NR2C2: variants seen among roughly 807,000 people sequenced by gnomAD.
NR2C2 encodes the protein Nuclear hormone receptor TR4.
Under a neutral mutation model 62.9 loss-of-function variants are expected in NR2C2, and 6 were observed. The ratio of observed to expected loss-of-function variants is 0.10; its 90% CI spans 0.05 to 0.19. NR2C2 has a LOEUF of 0.19. Ranked by LOEUF, NR2C2 falls within the 10% of genes least tolerant of loss-of-function variation. NR2C2 has a pLI of 1.00. For missense variants in NR2C2, 479 were observed against 762.7 expected (o/e 0.63, Z 4.38); for synonymous variants, 272 against 273.8 (o/e 0.99, Z 0.07).
At chr3:15,040,017 C>T (rs1230646660) in intron 13 of NR2C2, among the ~76,000 whole-genome samples, 1 of 151,738 alleles carries the variant, frequency 6.6e-6, no homozygotes, top group Non-Finnish European at 1.5e-5. Flanking sequence ...TAGCCAGGCA[C>T]GGTGGTAGGC....
chr3:15,048,792 C>G lies in NR2C2; in HGVS notation c.*5784C>G, dbSNP rs926643130. ...GAAAAGCTGCACATTTTTCACAGTA[C>G]AAGCCGTAGTTTTTACCTGTAGTTT... On this transcript the variant is annotated 3_prime_UTR_variant, in exon 14 of 14. Transcript: ENST00000425241. 6.6e-6 allele frequency: 1 copy of G among 152,516 alleles called. No individual in the cohort carries two copies. Among genetic ancestry groups the G allele is most frequent in the African/African-American group, 2.4e-5 (1 of 41,428 alleles). 9.4% of individuals were successfully genotyped at this position (152,516 alleles called of 1,614,324 possible).
intron 1 of NR2C2, among the ~76,000 whole-genome samples, chr3:14,981,623 A>AAAG (rs1553639444): frequency 0.018 from 2,550 of 140,274 alleles, 162 homozygotes; most frequent in African/African-American, 0.064. Context: ...AAAAAAAAAA[A>AAAG]GAGTATTGAT....
At chr3:14,989,844 A>G (rs1559548857) in intron 1 of NR2C2, among the ~76,000 whole-genome samples, 1 of 148,950 alleles carries the variant, frequency 6.7e-6, no homozygotes, top group Non-Finnish European at 1.5e-5. Flanking sequence ...AGATAAGAGA[A>G]TCGCTTGAAC....
chr3:14,967,284 AT>A, intron 1 of NR2C2, among the ~76,000 whole-genome samples: 2 of 150,650 alleles, frequency 1.3e-5, no homozygotes, highest in African/African-American at 4.9e-5. Flanking sequence ...TGTCAACTTG[AT>A]TTTTTTTCAA....
chr3:14,961,868 A>G (rs2039696797), intron 1 of NR2C2, among the ~76,000 whole-genome samples: 1 of 152,234 alleles, frequency 6.6e-6, no homozygotes, highest in Non-Finnish European at 1.5e-5. Context: ...CTCTTTAGTA[A>G]TGCAGTCTCT....
intron 2 of NR2C2, chr3:15,004,571 C>T (rs1463678374): frequency 3.1e-6 from 5 of 1,612,632 alleles, no homozygotes; most frequent in Non-Finnish European, 4.2e-6. Flanking sequence ...CTGAACCTGC[C>T]TCTGGCCCAT....
chr3:14,960,558 G>A (rs1284985056), intron 1 of NR2C2, among the ~76,000 whole-genome samples: 1 of 152,146 alleles, frequency 6.6e-6, no homozygotes, highest in African/African-American at 2.4e-5. Flanking sequence ...GAACCCAATA[G>A]AAAGATACAC....
intron 2 of NR2C2, among the ~76,000 whole-genome samples, chr3:15,012,714 C>A (rs2041391040): frequency 6.6e-6 from 1 of 152,094 alleles, no homozygotes; most frequent in Non-Finnish European, 1.5e-5. Flanking sequence ...GTGCTGCTAG[C>A]CAGGAACATC....
At chr3:14,952,164 C>T (rs1001414492) in intron 1 of NR2C2, among the ~76,000 whole-genome samples, 7 of 152,254 alleles carry the variant, frequency 4.6e-5, no homozygotes, top group African/African-American at 1.7e-4. Context: ...GGTAGCCTCT[C>T]TGAGGCTTAT....
chr3:15,037,655 C>G (rs1320294388), intron 11 of NR2C2, among the ~76,000 whole-genome samples: 4 of 152,152 alleles, frequency 2.6e-5, no homozygotes, highest in Admixed American at 1.3e-4. Flanking sequence ...AAAACCTAAC[C>G]AAGTATATAA....
rs185225667 is a variant in NR2C2 at position 15,043,061 on chromosome 3, A to G, written c.*53A>G. On this transcript the variant is annotated 3_prime_UTR_variant, in exon 14 of 14. Coordinates refer to ENST00000425241, the MANE Select transcript of NR2C2 (RefSeq NM_001291694.2). Reference sequence around the variant, plus strand: ...ACAGAATCCTTCCAGGACCGTTCACATACAAAGAAAAGTAGTGGTATTTTG... The same window carrying G: ...ACAGAATCCTTCCAGGACCGTTCACGTACAAAGAAAAGTAGTGGTATTTTG... The G allele has an allele frequency of 2.0e-3, 2,978 of 1,517,894 alleles. 19 individuals are homozygous for G. Among genetic ancestry groups the G allele is most frequent in the Non-Finnish European group, 7.3e-4 (824 of 1,124,844 alleles). 94.0% of individuals were successfully genotyped at this position (1,517,894 alleles called of 1,614,324 possible). A position where few individuals can be genotyped will look rare whatever the true frequency, so the allele number is the denominator to read the frequency against.
intron 1 of NR2C2, among the ~76,000 whole-genome samples, chr3:14,985,346 G>A (rs894659194): frequency 1.3e-4 from 19 of 151,906 alleles, no homozygotes; most frequent in East Asian, 5.8e-4. Flanking sequence ...TAAAATCTTC[G>A]CCTAATCCAA....
chr3:15,031,296 G>A (rs908726633), intron 9 of NR2C2, among the ~76,000 whole-genome samples: 6 of 152,048 alleles, frequency 3.9e-5, no homozygotes, highest in African/African-American at 1.5e-4. Flanking sequence ...TTTTTCTACA[G>A]GACACTCAGA....
intron 1 of NR2C2, among the ~76,000 whole-genome samples, chr3:14,965,960 T>A (rs1215564590): frequency 6.6e-6 from 1 of 152,224 alleles, no homozygotes; most frequent in African/African-American, 2.4e-5. Flanking sequence ...TGAGCCACCA[T>A]GCCTGGCCCC....
At chr3:14,959,104 G>A (rs2039614102) in intron 1 of NR2C2, 1 of 152,200 alleles carries the variant, frequency 6.6e-6, no homozygotes, top group Admixed American at 6.5e-5. Context: ...TTTTCTGGTG[G>A]TACTTTTTCA....
At chr3:14,983,355 C>T (rs1245843119) in intron 1 of NR2C2, among the ~76,000 whole-genome samples, 1 of 151,672 alleles carries the variant, frequency 6.6e-6, no homozygotes, top group African/African-American at 2.4e-5. Flanking sequence ...TATGATTTCT[C>T]TTTTTTGATC....
At chr3:15,017,775 T>C (rs995138786) in intron 4 of NR2C2, among the ~76,000 whole-genome samples, 3 of 152,210 alleles carry the variant, frequency 2.0e-5, no homozygotes, top group Admixed American at 6.5e-5. Flanking sequence ...AGATGCACAC[T>C]TGGGAAATGG....
At chr3:14,948,228 C>A (rs767978827) in intron 1 of NR2C2, 1 of 152,676 alleles carries the variant, frequency 6.5e-6, no homozygotes, top group African/African-American at 2.4e-5. Flanking sequence ...GAGATGGCTC[C>A]GGCTGGGCGG....
At chr3:15,012,691 G>C (rs2041390066) in intron 2 of NR2C2, among the ~76,000 whole-genome samples, 1 of 152,210 alleles carries the variant, frequency 6.6e-6, no homozygotes, top group Admixed American at 6.5e-5. Context: ...GGTGCCTGGA[G>C]GGAGAGGTGG....
Sources: gnomAD v4.1 joint callset for allele counts (sites outside exome capture counted in the v4.1 genomes callset) on GRCh38, gnomAD v4.1.1 for gene constraint, MANE v1.5 for transcripts, NCBI Gene and HGNC (gene_info 2026-07-23, HGNC 2026-07-21) for gene names.